The following SLC2A13 variants were observed in gnomAD, a reference collection of about 807,000 sequenced individuals.
SLC2A13 encodes the protein solute carrier family 2 member 13.
SLC2A13 carries 32 observed loss-of-function variants against 64.4 expected under a neutral mutation model. That is an observed-to-expected ratio of 0.50 (90% CI 0.37 to 0.67). SLC2A13 has a LOEUF of 0.67. SLC2A13 is among the 30% of genes least tolerant of loss of function. The pLI is 0.00. For missense variants in SLC2A13, 743 were observed against 829.2 expected (o/e 0.90, Z 1.28); for synonymous variants, 338 against 327.1 (o/e 1.03, Z -0.36).
intron 1 of SLC2A13, among the ~76,000 whole-genome samples, chr12:40,062,905 G>T (rs2136255365): frequency 6.6e-6 from 1 of 152,124 alleles, no homozygotes; most frequent in South Asian, 2.1e-4. Flanking sequence ...CATTTTAAGT[G>T]ACATTGACCA....
At chr12:39,952,312 C>T (rs1029024266) in intron 3 of SLC2A13, among the ~76,000 whole-genome samples, 16 of 152,076 alleles carry the variant, frequency 1.1e-4, no homozygotes, top group African/African-American at 3.6e-4. Flanking sequence ...ATGGTATTCC[C>T]GCTGTTAGAA....
intron 3 of SLC2A13, among the ~76,000 whole-genome samples, chr12:39,960,919 TG>T: frequency 6.6e-6 from 1 of 151,694 alleles, no homozygotes. Context: ...GGCAAAATTT[TG>T]TATTTTGGTA....
intron 4 of SLC2A13, among the ~76,000 whole-genome samples, chr12:39,910,717 T>C (rs10877768): frequency 0.43 from 65,378 of 151,932 alleles, 15,508 homozygotes; most frequent in Middle Eastern, 0.53. Flanking sequence ...AGAGGGGCTA[T>C]GTATGACTAT....
chr12:39,912,143 T>C (rs924173262), intron 4 of SLC2A13, among the ~76,000 whole-genome samples: 7 of 151,852 alleles, frequency 4.6e-5, no homozygotes, highest in African/African-American at 9.7e-5. Context: ...ATTCAATAGA[T>C]ATAATTTTCC....
chr12:39,962,979 T>C (rs190264102), intron 3 of SLC2A13, among the ~76,000 whole-genome samples: 45 of 152,318 alleles, frequency 3.0e-4, no homozygotes, highest in Non-Finnish European at 3.7e-4. Flanking sequence ...TCTCCATAGC[T>C]GAATACAATT....
chr12:39,969,618 A>T (rs1946603241), intron 3 of SLC2A13, among the ~76,000 whole-genome samples: 1 of 152,200 alleles, frequency 6.6e-6, no homozygotes, highest in African/African-American at 2.4e-5. Flanking sequence ...GTGTCTGTTC[A>T]TATCCTTTGC....
At chr12:39,805,682 A>G (rs922090678) in intron 7 of SLC2A13, among the ~76,000 whole-genome samples, 2 of 152,238 alleles carry the variant, frequency 1.3e-5, no homozygotes, top group African/African-American at 4.8e-5. Context: ...CGCTTAAATA[A>G]TCTGCTAATT....
At chr12:39,960,662 A>T (rs1946392340) in intron 3 of SLC2A13, among the ~76,000 whole-genome samples, 1 of 151,544 alleles carries the variant, frequency 6.6e-6, no homozygotes, top group South Asian at 2.1e-4. Flanking sequence ...TACAGGCGTG[A>T]GCCACCGCGC....
At chr12:39,871,639 CTTT>C (rs374790607) in intron 5 of SLC2A13, among the ~76,000 whole-genome samples, 156 bp downstream of exon 5, 1 of 148,274 alleles carries the variant, frequency 6.7e-6, no homozygotes. Flanking sequence ...GTTAAAAGCT[CTTT>C]TTTTTTTCTT....
chr12:40,101,420 C>A (rs1045825135), intron 1 of SLC2A13, among the ~76,000 whole-genome samples: 1 of 152,140 alleles, frequency 6.6e-6, no homozygotes, highest in African/African-American at 2.4e-5. Flanking sequence ...CCACTGACTC[C>A]TTCCATATCA....
At chr12:39,891,486 T>G (rs1198234046) in intron 4 of SLC2A13, among the ~76,000 whole-genome samples, 1 of 152,314 alleles carries the variant, frequency 6.6e-6, no homozygotes, top group Non-Finnish European at 1.5e-5. Context: ...TAAGAAAGCA[T>G]ATGAAAATCT....
At chr12:40,081,539 G>A (rs559167250) in intron 1 of SLC2A13, among the ~76,000 whole-genome samples, 2 of 152,224 alleles carry the variant, frequency 1.3e-5, no homozygotes, top group Non-Finnish European at 2.9e-5. Flanking sequence ...TAGAAGAACA[G>A]TTTCTTTCTT....
intron 3 of SLC2A13, among the ~76,000 whole-genome samples, chr12:39,971,624 T>C (rs996369680): frequency 2.0e-5 from 3 of 152,236 alleles, no homozygotes; most frequent in Middle Eastern, 3.4e-3. Context: ...ACACACTCTA[T>C]AACAATCCAT....
At chr12:39,957,015 A>T (rs1946325186) in intron 3 of SLC2A13, among the ~76,000 whole-genome samples, 2 of 152,220 alleles carry the variant, frequency 1.3e-5, no homozygotes, top group East Asian at 3.9e-4. Flanking sequence ...AGATCCCCCA[A>T]CACCACGATC....
At chr12:39,769,512 T>C (rs1940483170) in intron 7 of SLC2A13, among the ~76,000 whole-genome samples, 1 of 142,346 alleles carries the variant, frequency 7.0e-6, no homozygotes, top group African/African-American at 2.7e-5. Flanking sequence ...CTCTCAATAT[T>C]TGAGAAAAGA....
At chr12:40,062,115 TAAA>T (rs1948433089) in intron 1 of SLC2A13, among the ~76,000 whole-genome samples, 1 of 151,944 alleles carries the variant, frequency 6.6e-6, no homozygotes, top group South Asian at 2.1e-4. Context: ...TGTAAAAAAA[TAAA>T]ATTGAACCCC....
chr12:40,101,193 G>A (rs1939137642), intron 1 of SLC2A13, among the ~76,000 whole-genome samples: 1 of 151,048 alleles, frequency 6.6e-6, no homozygotes. Context: ...AAAAAAAAAA[G>A]AAAAGAAAAC....
rs535106980 is a variant in SLC2A13 at position 40,090,281 on chromosome 12, A to C, written c.556+14972T>G. Among the ~76,000 whole-genome samples the C allele has an allele frequency of 4.6e-5, 7 of 152,278 alleles. No individual in the cohort carries two copies. The South Asian group carries it at 1.5e-3, about 32-fold the overall frequency. Reference sequence around the variant, plus strand: ...AAATCTTCATTAATAATATTTTATAATTTTGCTAGAAACTAGTCATGTTTA... The same window carrying C: ...AAATCTTCATTAATAATATTTTATACTTTTGCTAGAAACTAGTCATGTTTA... On this transcript the variant is annotated intron_variant, in intron 1 of 9. Coordinates refer to ENST00000280871, the MANE Select transcript of SLC2A13 (RefSeq NM_052885.4).
intron 4 of SLC2A13, among the ~76,000 whole-genome samples, chr12:39,931,438 A>G (rs1317594461): frequency 6.6e-6 from 1 of 152,050 alleles, no homozygotes; most frequent in Non-Finnish European, 1.5e-5. Flanking sequence ...GCTGGCACCT[A>G]CCTGCACCTG....
Sources: allele counts gnomAD v4.1 joint callset (sites outside exome capture counted in the v4.1 genomes callset), GRCh38; gene constraint gnomAD v4.1.1; transcripts MANE v1.5; gene names NCBI Gene and HGNC (gene_info 2026-07-23, HGNC 2026-07-21).